Variants in ABL1 observed in about 807,000 individuals in gnomAD.
The protein encoded by ABL1 is ABL proto-oncogene 1, non-receptor tyrosine kinase.
In ABL1, 11 loss-of-function variants were observed where a neutral mutation model predicts 94.7. The observed-to-expected ratio is 0.12, with a 90% CI of 0.07 to 0.19. ABL1 has a LOEUF of 0.19. Among genes scored for constraint, ABL1 ranks in the 10% least tolerant of loss-of-function variants. ABL1 has a pLI of 1.00. For missense variants in ABL1, 1,082 were observed against 1,489.4 expected (o/e 0.73, Z 4.50); for synonymous variants, 656 against 622.4 (o/e 1.05, Z -0.80).
chr9:130,794,774 T>G (rs1313988110), intron 1 of ABL1, among the ~76,000 whole-genome samples: 1 of 152,184 alleles, frequency 6.6e-6, no homozygotes, highest in Non-Finnish European at 1.5e-5. Context: ...CTTTTGTTAT[T>G]AAGTTAGGGA....
At chr9:130,717,795 C>T (rs1831462760) in intron 1 of ABL1, among the ~76,000 whole-genome samples, 1 of 151,878 alleles carries the variant, frequency 6.6e-6, no homozygotes, top group African/African-American at 2.4e-5. Flanking sequence ...GGGCAGATCA[C>T]CTGAGGTCGG....
At position 130,884,178 on chromosome 9, in the gene ABL1, C is replaced by T. The variant is rs374307625; in HGVS notation, c.1888C>T (p.Arg630Cys). 47 of 1,612,490 alleles carry T rather than the reference C, an allele frequency of 2.9e-5. No homozygotes were observed. The highest frequency in any genetic ancestry group is 5.3e-5 in the African/African-American group (4 of 74,792). ...SFREMDGQPE[R>C]RGAGEEEGRD... ...CCGGGAGATGGACGGCCAGCCGGAG[C>T]GCAGAGGGGCCGGCGAGGAAGAGGG... Residue 630 changes from arginine to cysteine, a missense_variant, in exon 11 of 11, where the codon CGC becomes TGC. Around this residue, in one of 7 missense-constraint regions of ABL1, gnomAD observed 780 missense variants for 835.8 expected, o/e 0.93. Transcript: ENST00000318560. This position sits in a 1 kb window ranked among gnomAD's most constrained non-coding sequence, Gnocchi z 5.6.
At chr9:130,727,762 C>G (rs916224863) in intron 1 of ABL1, among the ~76,000 whole-genome samples, 7 of 135,900 alleles carry the variant, frequency 5.2e-5, no homozygotes, top group East Asian at 2.2e-4. Flanking sequence ...CCCCCCCCCC[C>G]CAAAAAAAAG....
In ABL1 at chr9:130,884,847, C is replaced by G. The variant is rs1237445561; in HGVS notation, c.2557C>G (p.Pro853Ala). Residue 853 changes from proline to alanine, a missense_variant, in exon 11 of 11, where the codon CCC becomes GCC. Coordinates refer to ENST00000318560, the MANE Select transcript of ABL1 (RefSeq NM_005157.6). The surrounding 1 kb of genome is among the most constrained non-coding windows in gnomAD (Gnocchi z 5.6). ...CCCTGCTGCAGCTGAGCCAGTGACC[C>G]CCACCAGCAAAGCAGGCTCAGGTGC... ...GTPAAAEPVT[P>A]TSKAGSGAPG... 1.2e-6 allele frequency: 2 copies of G among 1,605,734 alleles called. No homozygotes were observed. The highest frequency in any genetic ancestry group is 2.7e-5 in the African/African-American group (2 of 74,858).
intron 1 of ABL1, among the ~76,000 whole-genome samples, chr9:130,788,177 G>A (rs1252499051): frequency 6.6e-6 from 1 of 152,166 alleles, no homozygotes; most frequent in African/African-American, 2.4e-5. Context: ...ATTGGTTTAA[G>A]TTTGAACACC....
At chr9:130,818,675 G>C (rs1036630682) in intron 1 of ABL1, among the ~76,000 whole-genome samples, 1 of 152,044 alleles carries the variant, frequency 6.6e-6, no homozygotes, top group Non-Finnish European at 1.5e-5. Flanking sequence ...GGTATTGCTC[G>C]AGAGTCATCA....
At chr9:130,808,120 T>C (rs890279897) in intron 1 of ABL1, among the ~76,000 whole-genome samples, 3 of 151,872 alleles carry the variant, frequency 2.0e-5, no homozygotes, top group Admixed American at 1.3e-4. Context: ...CAAACATAGA[T>C]TTACTTTCTG....
At chr9:130,831,517 A>G (rs1368690114), upstream of ABL1, among the ~76,000 whole-genome samples, 4 of 152,234 alleles carry the variant, frequency 2.6e-5, no homozygotes, top group Non-Finnish European at 5.9e-5. Context: ...ATTGCTTTCA[A>G]ATGAATTAAA....
At chr9:130,771,761 T>TCTTTCTTTCTTTCTTTC (rs1466857485) in intron 1 of ABL1, among the ~76,000 whole-genome samples, 1 of 145,666 alleles carries the variant, frequency 6.9e-6, no homozygotes, top group African/African-American at 2.5e-5. Flanking sequence ...TCTTTTTTTT[T>TCTTTCTTTCTTTCTTTC]TTTTTTTTTT....
intron 1 of ABL1, among the ~76,000 whole-genome samples, chr9:130,772,095 T>C (rs1165800341): frequency 1.3e-5 from 2 of 152,182 alleles, no homozygotes; most frequent in African/African-American, 2.4e-5. Flanking sequence ...GTAACTGCCT[T>C]AGGGAGAATA....
At chr9:130,820,823 T>G (rs1396463965) in intron 1 of ABL1, among the ~76,000 whole-genome samples, 1 of 152,216 alleles carries the variant, frequency 6.6e-6, no homozygotes, top group Non-Finnish European at 1.5e-5. Flanking sequence ...TTATTAGCAG[T>G]TTTACTGAGG....
intron 1 of ABL1, among the ~76,000 whole-genome samples, chr9:130,732,225 G>C (rs12552283): frequency 2.0e-5 from 3 of 152,136 alleles, no homozygotes; most frequent in African/African-American, 7.2e-5. Flanking sequence ...TACTGTGTCA[G>C]TCTGGGGTAA....
At chr9:130,868,439 G>GGGGT (rs940029488) in intron 4 of ABL1, among the ~76,000 whole-genome samples, 1 of 152,106 alleles carries the variant, frequency 6.6e-6, no homozygotes, top group African/African-American at 2.4e-5. Flanking sequence ...GCTCAGGGAG[G>GGGGT]GGGTCCCTGC....
intron 1 of ABL1, among the ~76,000 whole-genome samples, chr9:130,818,198 G>A (rs1383098392): frequency 1.3e-5 from 2 of 152,156 alleles, no homozygotes; most frequent in East Asian, 3.9e-4. Flanking sequence ...GGCCAGGCTG[G>A]GTGGCTTATG....
At position 130,846,604 on chromosome 9, in the gene ABL1, G is replaced by A. The variant is rs866865334; in HGVS notation, c.80-7460G>A. On this transcript the variant is annotated intron_variant, in intron 1 of 10. Coordinates refer to ENST00000318560, the MANE Select transcript of ABL1 (RefSeq NM_005157.6). ...AGTAATGAATGCTCCATAGCTGGCC[G>A]CCTTGCACTCTAGTGGGAACTATGA... 3.3e-5 allele frequency among the ~76,000 whole-genome samples: 5 copies of A among 152,354 alleles called. No individual in the cohort carries two copies. In the South Asian group the frequency reaches 6.2e-4, roughly 19 times the overall value.
intron 1 of ABL1, among the ~76,000 whole-genome samples, chr9:130,795,312 C>G (rs1829960788): frequency 2.0e-5 from 3 of 152,198 alleles, no homozygotes. Context: ...GCTGGTTTCA[C>G]TTAATACATT....
intron 1 of ABL1, among the ~76,000 whole-genome samples, chr9:130,726,179 T>G (rs2132683955): frequency 7.4e-6 from 1 of 136,002 alleles, no homozygotes; most frequent in African/African-American, 3.0e-5. Context: ...TTTAAAAAAG[T>G]GTAATATGCA....
At chr9:130,714,267 C>A (rs574830539) in exon 1 of ABL1, 2 of 1,514,024 alleles carry the variant, frequency 1.3e-6, no homozygotes, top group Non-Finnish European at 1.8e-6. Flanking sequence ...GCTCGCTGAC[C>A]GTTCTGGAAG....
intron 1 of ABL1, among the ~76,000 whole-genome samples, chr9:130,779,136 G>T (rs1588235714): frequency 2.6e-5 from 4 of 152,194 alleles, no homozygotes; most frequent in African/African-American, 4.8e-5. Context: ...TTACTTGTGT[G>T]CAGAAGAGTC....
Sources: allele counts gnomAD v4.1 joint callset (sites outside exome capture counted in the v4.1 genomes callset), GRCh38; gene constraint gnomAD v4.1.1; regional missense constraint gnomAD v4.1.1; non-coding constraint Gnocchi (gnomAD v3.1); transcripts MANE v1.5; gene names NCBI Gene and HGNC (gene_info 2026-07-23, HGNC 2026-07-21).